Variants in WIF1 observed in about 807,000 individuals in gnomAD.
The protein encoded by WIF1 is Wnt inhibitory factor 1.
WIF1 carries 35 observed loss-of-function variants against 53.5 expected under a neutral mutation model. The ratio of observed to expected loss-of-function variants is 0.65; its 90% CI spans 0.50 to 0.87. The LOEUF (loss-of-function observed/expected upper bound fraction) is 0.87, where lower values mean the gene tolerates loss of function less well. WIF1 is among the 40% of genes least tolerant of loss of function. WIF1 has a pLI of 0.00. For missense variants in WIF1, 467 were observed against 476.8 expected (o/e 0.98, Z 0.19); for synonymous variants, 171 against 170.4 (o/e 1.00, Z -0.03).
rs1265648787 is a variant in WIF1 at position 65,121,243 on chromosome 12, C to T, written c.-52G>A. 3.6e-6 allele frequency: 5 copies of T among 1,385,504 alleles called. No individual in the cohort carries two copies. In the South Asian group the frequency reaches 4.9e-5, roughly 13 times the overall value. The allele number at this position is 1,385,504 out of a possible 1,614,324, so 85.8% of individuals were successfully genotyped here. ...GAAAACTCCTCGTGCCGCACCTACG[C>T]AACCTGGCGCCGTCAGATACTCTGC... is the stretch of plus-strand genomic sequence containing the variant. On this transcript the variant is annotated 5_prime_UTR_variant, in exon 1 of 10. Transcript: ENST00000286574.
At chr12:65,071,112 T>C (rs1882765573) in intron 3 of WIF1, among the ~76,000 whole-genome samples, 1 of 149,966 alleles carries the variant, frequency 6.7e-6, no homozygotes, top group Non-Finnish European at 1.5e-5. Context: ...CATATATCCA[T>C]AATCCCAGCT....
intron 1 of WIF1, 140 bp from the exon 2 acceptor site, chr12:65,120,696 T>A: frequency 2.0e-6 from 2 of 980,524 alleles, no homozygotes; most frequent in South Asian, 1.8e-5. Flanking sequence ...CCATCAACGC[T>A]ACTAAGATTA....
intron 9 of WIF1, among the ~76,000 whole-genome samples, chr12:65,052,346 T>C (rs1882453113): frequency 6.6e-6 from 1 of 152,226 alleles, no homozygotes; most frequent in African/African-American, 2.4e-5. Context: ...TGTAGTCTAG[T>C]AGCTTGTGGA....
At chr12:65,061,860 G>A (rs930479068) in intron 7 of WIF1, among the ~76,000 whole-genome samples, 3 of 152,158 alleles carry the variant, frequency 2.0e-5, no homozygotes, top group South Asian at 2.1e-4. Context: ...ACTGTCATCC[G>A]TTAGTTTCAC....
chr12:65,101,670 A>G (rs766379966), intron 2 of WIF1, among the ~76,000 whole-genome samples: 5 of 152,258 alleles, frequency 3.3e-5, no homozygotes, highest in Non-Finnish European at 7.3e-5. Flanking sequence ...TGCAGAAATG[A>G]TAGTGACCGA....
chr12:65,117,761 A>G (rs770236338), intron 2 of WIF1, among the ~76,000 whole-genome samples: 7 of 152,114 alleles, frequency 4.6e-5, no homozygotes, highest in Non-Finnish European at 1.5e-5. Flanking sequence ...TCTTATAAGG[A>G]GTGTGCAGCC....
intron 2 of WIF1, among the ~76,000 whole-genome samples, chr12:65,090,636 G>T (rs770402237): frequency 3.9e-5 from 6 of 152,136 alleles, no homozygotes; most frequent in Non-Finnish European, 5.9e-5. Context: ...TTAAACAGGT[G>T]AAGGAGGGGC....
At chr12:65,071,741 G>T (rs1288943769) in intron 3 of WIF1, among the ~76,000 whole-genome samples, 17 of 152,084 alleles carry the variant, frequency 1.1e-4, no homozygotes, top group Admixed American at 1.0e-3. Context: ...GAAATAGAAG[G>T]CATGTAAGCA....
At chr12:65,091,411 G>A (rs1307675856) in intron 2 of WIF1, among the ~76,000 whole-genome samples, 1 of 149,878 alleles carries the variant, frequency 6.7e-6, no homozygotes, top group Non-Finnish European at 1.5e-5. Context: ...GTATTTCCCA[G>A]TATTATACAA....
chr12:65,065,255 T>G (rs1001868067), intron 6 of WIF1, among the ~76,000 whole-genome samples: 1 of 152,088 alleles, frequency 6.6e-6, no homozygotes, highest in Non-Finnish European at 1.5e-5. Context: ...AGTCTAGAGA[T>G]AGAAAAAGCA....
At chr12:65,092,539 G>A (rs1483376222) in intron 2 of WIF1, among the ~76,000 whole-genome samples, 1 of 150,374 alleles carries the variant, frequency 6.7e-6, no homozygotes, top group Non-Finnish European at 1.5e-5. Flanking sequence ...GTATGCGATT[G>A]CTGTTTCTGA....
intron 2 of WIF1, among the ~76,000 whole-genome samples, chr12:65,112,977 T>A (rs886972788): frequency 1.5e-4 from 23 of 152,102 alleles, no homozygotes; most frequent in African/African-American, 5.1e-4. Flanking sequence ...CTAACCTCAT[T>A]TGGATGAGTG....
chr12:65,113,237 C>T (rs1036347840), intron 2 of WIF1, among the ~76,000 whole-genome samples: 3 of 152,174 alleles, frequency 2.0e-5, no homozygotes, highest in Non-Finnish European at 4.4e-5. Context: ...AAGGCCTCTT[C>T]CAGAGGTCCG....
chr12:65,099,512 AC>A (rs1883250012), intron 2 of WIF1, among the ~76,000 whole-genome samples: 1 of 152,128 alleles, frequency 6.6e-6, no homozygotes, highest in South Asian at 2.1e-4. Context: ...CCAACCCGCC[AC>A]CTTGAACTGT....
intron 2 of WIF1, among the ~76,000 whole-genome samples, chr12:65,117,192 A>G (rs1400004224): frequency 6.6e-6 from 1 of 152,110 alleles, no homozygotes; most frequent in Non-Finnish European, 1.5e-5. Flanking sequence ...TTTTATTTAT[A>G]TCCATGCTTA....
chr12:65,120,329 A>G lies in WIF1; in HGVS notation c.288+88T>C, dbSNP rs1328529892. ...TGAGAAATTTCTCTTAATAACTGTA[A>G]AATGTACCAGGCTACACACTATACA... is the stretch of plus-strand genomic sequence containing the variant. On this transcript the variant is annotated intron_variant, in intron 2 of 9. Coordinates refer to ENST00000286574, the MANE Select transcript of WIF1 (RefSeq NM_007191.5). 6.0e-6 allele frequency: 8 copies of G among 1,328,298 alleles called. No individual in the cohort carries two copies. In the East Asian group the frequency reaches 2.0e-4, roughly 33 times the overall value. 82.3% of individuals were successfully genotyped at this position (1,328,298 alleles called of 1,614,324 possible).
At chr12:65,110,970 G>A (rs927330698) in intron 2 of WIF1, among the ~76,000 whole-genome samples, 5 of 152,108 alleles carry the variant, frequency 3.3e-5, no homozygotes, top group African/African-American at 4.8e-5. Context: ...AGAGACATGG[G>A]GGAAGCCAGG....
chr12:65,103,969 G>A (rs1883317587), intron 2 of WIF1, among the ~76,000 whole-genome samples: 3 of 152,080 alleles, frequency 2.0e-5, no homozygotes, highest in Non-Finnish European at 2.9e-5. Context: ...GGAGGCTGAA[G>A]TGGGAGGATT....
chr12:65,118,118 A>G (rs1298383206), intron 2 of WIF1, among the ~76,000 whole-genome samples: 2 of 152,260 alleles, frequency 1.3e-5, no homozygotes, highest in African/African-American at 2.4e-5. Context: ...CTTAAATATA[A>G]AATTTAAAAC....
Sources: allele counts gnomAD v4.1 joint callset (sites outside exome capture counted in the v4.1 genomes callset), GRCh38; gene constraint gnomAD v4.1.1; transcripts MANE v1.5; gene names NCBI Gene and HGNC (gene_info 2026-07-23, HGNC 2026-07-21).